SNORC: variants seen among roughly 807,000 people sequenced by gnomAD.
The protein encoded by SNORC is secondary ossification center associated regulator of chondrocyte maturation.
Under a neutral mutation model 9.7 loss-of-function variants are expected in SNORC, and 11 were observed. That is an observed-to-expected ratio of 1.14 (90% CI 0.72 to 1.88). SNORC has a LOEUF of 1.88. SNORC is among the 40% of genes most tolerant of loss of function. SNORC has a pLI of 0.00. For synonymous variants in SNORC, 108 were observed against 88.7 expected, an observed-to-expected ratio of 1.22 and a Z score of -1.22; for missense variants, 197 against 173.1, an observed-to-expected ratio of 1.14 and a Z score of -0.77.
At chr2:232,876,499 G>C (rs1691252040), downstream of SNORC, 1 of 1,296,320 alleles carries the variant, frequency 7.7e-7, no homozygotes, top group Non-Finnish European at 9.7e-7. This position sits in a 1 kb window ranked among gnomAD's most constrained non-coding sequence, Gnocchi z 6.8. Context: ...GGGGGTGCGC[G>C]CGGGGCCGAG....
downstream of SNORC, chr2:232,877,012 C>T (rs1223820914): frequency 6.1e-6 from 6 of 985,476 alleles, no homozygotes; most frequent in Middle Eastern, 1.0e-3. Flanking sequence ...GCCGTCGGCT[C>T]TCCCAGCCAG....
At chr2:232,877,370 C>A (rs568558842), downstream of SNORC, 5 of 985,288 alleles carry the variant, frequency 5.1e-6, no homozygotes, top group East Asian at 5.7e-4. Context: ...AAACTTTGAT[C>A]CTTTGATCAT....
At chr2:232,875,526 CAG>C (rs1691195247) in intron 1 of SNORC, 2 of 414,994 alleles carry the variant, frequency 4.8e-6, no homozygotes, top group Middle Eastern at 3.4e-4. Flanking sequence ...GAGTGGTGGT[CAG>C]GGGAGGACAA....
chr2:232,871,456 G>A (rs1691021908), intron 1 of SNORC, among the ~76,000 whole-genome samples: 3 of 152,208 alleles, frequency 2.0e-5, no homozygotes, highest in African/African-American at 7.2e-5. Flanking sequence ...GCCACGCTCT[G>A]CCTCACTTGC....
chr2:232,868,508 C>T (rs1428819541), upstream of SNORC, among the ~76,000 whole-genome samples: 1 of 152,144 alleles, frequency 6.6e-6, no homozygotes, highest in African/African-American at 2.4e-5. Context: ...TCAGTGATCC[C>T]ATCATCAACT....
upstream of SNORC, among the ~76,000 whole-genome samples, chr2:232,868,293 C>T (rs1042718064): frequency 3.3e-5 from 5 of 151,694 alleles, no homozygotes; most frequent in African/African-American, 4.8e-5. Context: ...GATGGGTTTT[C>T]GCCATGTTGG....
intron 1 of SNORC, among the ~76,000 whole-genome samples, chr2:232,875,069 G>C (rs931246248): frequency 6.6e-6 from 1 of 152,238 alleles, no homozygotes; most frequent in African/African-American, 2.4e-5. Context: ...GCCGGCCGCA[G>C]TGGCTCACAC....
At chr2:232,867,362 G>A (rs114603949), upstream of SNORC, among the ~76,000 whole-genome samples, 81 of 152,232 alleles carry the variant, frequency 5.3e-4, no homozygotes, top group Non-Finnish European at 8.8e-4. Context: ...TTCTATATGT[G>A]TTAGCTCTAA....
chr2:232,873,700 T>G (rs528736380), intron 1 of SNORC, among the ~76,000 whole-genome samples: 4 of 152,276 alleles, frequency 2.6e-5, no homozygotes, highest in Non-Finnish European at 4.4e-5. Context: ...CACTCAGGCC[T>G]TTTACCTGCC....
At chr2:232,868,881 G>C (rs1690926319), upstream of SNORC, 1 of 152,136 alleles carries the variant, frequency 6.6e-6, no homozygotes, top group Admixed American at 6.6e-5. Context: ...TGCCTATTTA[G>C]TCTGACACCT....
chr2:232,870,631 C>T (rs1690993166), intron 1 of SNORC, among the ~76,000 whole-genome samples: 1 of 152,144 alleles, frequency 6.6e-6, no homozygotes, highest in Non-Finnish European at 1.5e-5. Flanking sequence ...GGGATAATGG[C>T]CTCTGGAGAA....
At chr2:232,875,867 A>G in intron 1 of SNORC, 73 bp from the exon 2 acceptor site, 1 of 1,459,604 alleles carries the variant, frequency 6.9e-7, no homozygotes, top group South Asian at 1.3e-5. Flanking sequence ...AACTTGCTTA[A>G]CCTAGAGGTG....
intron 1 of SNORC, among the ~76,000 whole-genome samples, chr2:232,872,476 C>T (rs1252410807): frequency 6.6e-6 from 1 of 152,198 alleles, no homozygotes; most frequent in Non-Finnish European, 1.5e-5. Flanking sequence ...GGAGAGAGCC[C>T]GTGGTGCCCA....
downstream of SNORC, chr2:232,876,978 A>G: frequency 2.0e-6 from 2 of 985,416 alleles, no homozygotes; most frequent in Non-Finnish European, 2.4e-6. The surrounding 1 kb of genome is among the most constrained non-coding windows in gnomAD (Gnocchi z 6.8). Flanking sequence ...CCGCTCCTTG[A>G]GGCCGGGGTT....
rs530176523 is a variant in SNORC, at chr2:232,875,332, ACT to A, written c.74-605_74-604del. 2.6e-3 allele frequency: 532 copies of A among 208,296 alleles called. 2 individuals carry two copies. Among genetic ancestry groups the A allele is most frequent in the African/African-American group, 0.012 (507 of 41,344 alleles). 12.9% of individuals were successfully genotyped at this position (208,296 alleles called of 1,614,324 possible). On this transcript the variant is annotated intron_variant, in intron 1 of 2. Transcript: ENST00000331342. ...CACTCCAGCCTGGGCACAGAGCAAG[ACT>A]CTGTTTCAAAAAGAGAGAGAGAGAG...
downstream of SNORC, chr2:232,878,477 A>C (rs527735817): frequency 6.5e-6 from 1 of 153,528 alleles, no homozygotes; most frequent in Non-Finnish European, 1.5e-5. Context: ...AGCTCCGTCA[A>C]ACAGCCCTTT....
chr2:232,873,169 G>C (rs570255994), intron 1 of SNORC, among the ~76,000 whole-genome samples: 1 of 152,360 alleles, frequency 6.6e-6, no homozygotes, highest in African/African-American at 2.4e-5. Flanking sequence ...CCTTGTGCAA[G>C]ATGCTTGACA....
exon 1 of SNORC, chr2:232,870,370 C>T (rs756152920): frequency 6.4e-6 from 10 of 1,568,952 alleles, no homozygotes; most frequent in African/African-American, 2.7e-5. Context: ...CTGCGCATGG[C>T]GCTGCTGCTG....
chr2:232,874,935 C>T (rs1691162407), intron 1 of SNORC, among the ~76,000 whole-genome samples: 1 of 152,246 alleles, frequency 6.6e-6, no homozygotes, highest in South Asian at 2.1e-4. Flanking sequence ...GTTCCCACAC[C>T]ACAGAGTAGC....
Sources: allele counts gnomAD v4.1 joint callset (sites outside exome capture counted in the v4.1 genomes callset), GRCh38; gene constraint gnomAD v4.1.1; non-coding constraint Gnocchi (gnomAD v3.1); transcripts MANE v1.5; gene names NCBI Gene and HGNC (gene_info 2026-07-23, HGNC 2026-07-21).